The following RPS6KA5 variants were observed in gnomAD, a reference collection of about 807,000 sequenced individuals.
RPS6KA5 encodes the protein ribosomal protein S6 kinase alpha-5.
In RPS6KA5, 27 loss-of-function variants were observed where a neutral mutation model predicts 85.5. The observed-to-expected ratio is 0.32, with a 90% CI of 0.23 to 0.44. The LOEUF is 0.44. Ranked by LOEUF, RPS6KA5 falls within the 20% of genes least tolerant of loss-of-function variation. RPS6KA5 has a pLI of 1.00. For synonymous variants in RPS6KA5, 334 were observed against 348.2 expected, an observed-to-expected ratio of 0.96 and a Z score of 0.46; for missense variants, 811 against 980.9, an observed-to-expected ratio of 0.83 and a Z score of 2.31.
At chr14:91,039,780 T>C (rs1016137765) in intron 1 of RPS6KA5, among the ~76,000 whole-genome samples, 3 of 152,104 alleles carry the variant, frequency 2.0e-5, no homozygotes, top group Non-Finnish European at 2.9e-5. Context: ...GTAAGGCAGA[T>C]AGAAGGATGA....
Position 90,941,878 on chromosome 14 carries a change from A to G in RPS6KA5, c.618+1200T>C, listed in dbSNP as rs146942884. 2.5e-3 allele frequency among the ~76,000 whole-genome samples: 388 copies of G among 152,342 alleles called. 2 individuals are homozygous for G. The highest frequency in any genetic ancestry group is 6.8e-3 in the Middle Eastern group (2 of 294). The stretch of plus-strand genomic sequence containing the variant: ...GGATTTATTAAGGAGGCAACGGTAA[A>G]CAGATTTAATCTGCTACAATTTGCT... On this transcript the variant is annotated intron_variant, in intron 5 of 16. Transcript: ENST00000614987.
chr14:90,893,884 A>C, intron 13 of RPS6KA5: 2 of 491,738 alleles, frequency 4.1e-6, no homozygotes, highest in Non-Finnish European at 5.3e-6. Context: ...TTGCATTGCT[A>C]CATATAGTTC....
At chr14:90,910,203 G>A (rs764385510) in intron 7 of RPS6KA5, among the ~76,000 whole-genome samples, 5 of 152,062 alleles carry the variant, frequency 3.3e-5, no homozygotes, top group African/African-American at 2.4e-5. Flanking sequence ...CAACCCAAAT[G>A]AATTCCAAAT....
At chr14:90,930,245 C>T (rs1172644769) in intron 5 of RPS6KA5, among the ~76,000 whole-genome samples, 1 of 152,052 alleles carries the variant, frequency 6.6e-6, no homozygotes, top group Non-Finnish European at 1.5e-5. Flanking sequence ...AATGAAGAGC[C>T]TAAAAACAGA....
At position 90,867,913 on chromosome 14, in the gene RPS6KA5, A is replaced by G. The variant is rs1464089681; in HGVS notation, c.*4161T>C. ...ATTTGGAATGGTAATCAACTACTTA[A>G]TTACATAACAGGGAGCTGGGCATAC... On this transcript the variant is annotated 3_prime_UTR_variant, in exon 17 of 17. Coordinates refer to ENST00000614987, the MANE Select transcript of RPS6KA5 (RefSeq NM_004755.4). 6.6e-6 allele frequency: 1 copy of G among 152,140 alleles called. No homozygotes were observed. Among genetic ancestry groups the G allele is most frequent in the African/African-American group, 2.4e-5 (1 of 41,432 alleles). 9.4% of individuals were successfully genotyped at this position (152,140 alleles called of 1,614,324 possible).
rs1001281290 is a variant in RPS6KA5, at chr14:90,903,051, T to C, written c.958-82A>G. On this transcript the variant is annotated intron_variant, in intron 8 of 16. Coordinates refer to ENST00000614987, the MANE Select transcript of RPS6KA5 (RefSeq NM_004755.4). ...AGAATAACAAAGATAAATTAGGATT[T>C]TGACTGGTAGGGAGAGAGGATAAAA... 5 of 1,222,238 alleles carry C rather than the reference T, an allele frequency of 4.1e-6. No homozygotes were observed. The African/African-American group carries it at 6.1e-5, about 15-fold the overall frequency. The allele number at this position is 1,222,238 out of a possible 1,614,324, so 75.7% of individuals were successfully genotyped here.
At chr14:91,025,054 T>G (rs1337544484) in intron 1 of RPS6KA5, among the ~76,000 whole-genome samples, 2 of 151,452 alleles carry the variant, frequency 1.3e-5, no homozygotes, top group East Asian at 1.9e-4. Context: ...CTAACTTTTT[T>G]TTTTAGGGGG....
chr14:90,930,165 C>T (rs781062498), intron 5 of RPS6KA5, among the ~76,000 whole-genome samples: 2 of 152,190 alleles, frequency 1.3e-5, no homozygotes, highest in African/African-American at 2.4e-5. Context: ...AGCCACCACG[C>T]CCGGCCAGCC....
In RPS6KA5 at chr14:90,899,419, C is replaced by A. The variant is rs1222606268; in HGVS notation, c.1383G>T (p.Met461Ile). ...TTATTTCCTTTTGAGTATTGGCTTCCATCCTGCAAGATGAGACACTTAGCA... is the reference window on the plus strand; with the variant it reads ...TTATTTCCTTTTGAGTATTGGCTTCAATCCTGCAAGATGAGACACTTAGCA... The part of the protein sequence containing the change: ...AFAVKIISKR[M>I]EANTQKEITA... Residue 461 changes from methionine (M) to isoleucine (I), a missense_variant, in exon 12 of 17, where the codon ATG (methionine) becomes ATT (isoleucine). Around this residue, in one of 3 missense-constraint regions of RPS6KA5, gnomAD observed 650 missense variants for 793.4 expected, o/e 0.82. Transcript: ENST00000614987. 6.2e-7 allele frequency: 1 copy of A among 1,610,854 alleles called. No homozygotes were observed. Among genetic ancestry groups the A allele is most frequent in the Non-Finnish European group, 8.5e-7 (1 of 1,177,524 alleles).
At chr14:91,048,039 G>T (rs967890685) in intron 1 of RPS6KA5, among the ~76,000 whole-genome samples, 1 of 152,186 alleles carries the variant, frequency 6.6e-6, no homozygotes, top group African/African-American at 2.4e-5. Flanking sequence ...AATCACATCT[G>T]CAAGGTCTCT....
Position 90,978,419 on chromosome 14 carries a change from G to A in RPS6KA5, c.281C>T (p.Thr94Ile), listed in dbSNP as rs762657053. ...TCGTTCTGTCCTTGTATGCTCTGTG[G>A]TTTTGGCCTTTTGAACGATTGTTGC... ...KKATIVQKAKTTEHTRTERQV... is the reference protein window; with the variant it reads ...KKATIVQKAKITEHTRTERQV... The change falls in exon 3 of 17, where the codon ACC (threonine) becomes ATC (isoleucine). Residue 94 changes from threonine to isoleucine, a missense_variant. Transcript: ENST00000614987. 6 of 1,613,898 alleles carry A rather than the reference G, an allele frequency of 3.7e-6. No homozygotes were observed. The highest frequency in any genetic ancestry group is 1.1e-5 in the South Asian group (1 of 91,060).
chr14:90,912,745 T>C (rs2140267592), intron 7 of RPS6KA5, among the ~76,000 whole-genome samples: 2 of 152,172 alleles, frequency 1.3e-5, no homozygotes, highest in South Asian at 4.1e-4. Context: ...AGGTCATTAA[T>C]AATAATAAAT....
At chr14:90,912,332 C>T (rs2035868559) in intron 7 of RPS6KA5, among the ~76,000 whole-genome samples, 1 of 152,092 alleles carries the variant, frequency 6.6e-6, no homozygotes, top group African/African-American at 2.4e-5. Flanking sequence ...AGTCTTTTAC[C>T]TGAAATAAGC....
At chr14:90,911,484 G>C (rs141862336) in intron 7 of RPS6KA5, 1 of 152,178 alleles carries the variant, frequency 6.6e-6, no homozygotes, top group African/African-American at 2.4e-5. Flanking sequence ...TTCACTTCCT[G>C]GTTCCCATGT....
At chr14:90,930,947 A>C (rs2036940934) in intron 5 of RPS6KA5, among the ~76,000 whole-genome samples, 1 of 152,252 alleles carries the variant, frequency 6.6e-6, no homozygotes, top group African/African-American at 2.4e-5. Context: ...GTGAGAATGT[A>C]AAATGGTGCA....
rs144509935 is a variant in RPS6KA5 at position 91,003,844 on chromosome 14, C to T, written c.104-2685G>A. On this transcript the variant is annotated intron_variant, in intron 1 of 16. Transcript: ENST00000614987. ...CTTATGAAGAAAAACCACTCTCTTC[C>T]ACCTCAAGTTTCTGATAGAGTTTAG... Among the ~76,000 whole-genome samples the T allele has an allele frequency of 4.2e-3, 636 of 152,270 alleles. 6 individuals carry two copies. Among genetic ancestry groups the T allele is most frequent in the African/African-American group, 0.015 (616 of 41,542 alleles).
chr14:91,047,460 C>T (rs149261139), intron 1 of RPS6KA5, among the ~76,000 whole-genome samples: 1 of 152,226 alleles, frequency 6.6e-6, no homozygotes, highest in Admixed American at 6.5e-5. Flanking sequence ...TGTCTCCCTG[C>T]AGATTCATTA....
At chr14:90,962,426 C>T (rs2038851999) in intron 3 of RPS6KA5, among the ~76,000 whole-genome samples, 1 of 151,940 alleles carries the variant, frequency 6.6e-6, no homozygotes, top group Non-Finnish European at 1.5e-5. Flanking sequence ...GCCTCAGCCT[C>T]CCAAGTAGCT....
intron 14 of RPS6KA5, 59 bp downstream of exon 14, chr14:90,890,428 A>G: frequency 7.1e-7 from 1 of 1,412,290 alleles, no homozygotes; most frequent in Admixed American, 2.4e-5. Flanking sequence ...AGAGTGAGAT[A>G]AGGAGAGAGG....
Sources: gnomAD v4.1 joint callset for allele counts (sites outside exome capture counted in the v4.1 genomes callset) on GRCh38, gnomAD v4.1.1 for gene constraint, gnomAD v4.1.1 regional missense constraint, MANE v1.5 for transcripts, NCBI Gene and HGNC (gene_info 2026-07-23, HGNC 2026-07-21) for gene names.